PBX3: variants seen among roughly 807,000 people sequenced by gnomAD.
PBX3 encodes the protein pre-B-cell leukemia transcription factor 3.
PBX3 carries 14 observed loss-of-function variants against 48.5 expected under a neutral mutation model. The ratio of observed to expected loss-of-function variants is 0.29; its 90% CI spans 0.19 to 0.45. PBX3 has a LOEUF of 0.45. Among genes scored for constraint, PBX3 ranks in the 20% least tolerant of loss-of-function variants. PBX3 has a pLI of 1.00. For missense variants in PBX3, 386 were observed against 546.7 expected (o/e 0.71, Z 2.93); for synonymous variants, 210 against 200.3 (o/e 1.05, Z -0.41).
In PBX3 at chr9:125,806,277, T is replaced by TG. The variant is rs549563626; in HGVS notation, c.274+57656dup. ...TTAGAGGAACAGTGAAGAGACTAGG[T>TG]GGCTGGAGCAGAGGGAGGGAGGGAG... On this transcript the variant is annotated intron_variant, in intron 2 of 8. Transcript: ENST00000373489. 1.1e-3 allele frequency among the ~76,000 whole-genome samples: 165 copies of TG among 152,226 alleles called. 1 individual carries two copies. The highest frequency in any genetic ancestry group is 2.1e-3 in the Non-Finnish European group (142 of 68,004).
At position 125,966,012 on chromosome 9, in the gene PBX3, C is replaced by T; in HGVS notation, c.*89C>T. The T allele has an allele frequency of 2.4e-6, 2 of 846,038 alleles. No homozygotes were observed. Among genetic ancestry groups the T allele is most frequent in the Non-Finnish European group, 4.0e-6 (2 of 505,654 alleles). 52.4% of individuals were successfully genotyped at this position (846,038 alleles called of 1,614,324 possible). On this transcript the variant is annotated 3_prime_UTR_variant, in exon 9 of 9. Transcript: ENST00000373489. The stretch of plus-strand genomic sequence containing the variant: ...AAAGGAAAGCGTTTTTGTAGCCCAC[C>T]ATCTACAGCTTTACTGTAAAACCTT...
intron 2 of PBX3, among the ~76,000 whole-genome samples, chr9:125,829,817 C>T (rs955757883): frequency 7.2e-5 from 11 of 152,166 alleles, no homozygotes; most frequent in African/African-American, 1.4e-4. Flanking sequence ...GGTGCTGCTC[C>T]GTGGCAGTGG....
At chr9:125,815,311 C>T (rs928729435) in intron 2 of PBX3, among the ~76,000 whole-genome samples, 2 of 152,178 alleles carry the variant, frequency 1.3e-5, no homozygotes, top group Non-Finnish European at 2.9e-5. Flanking sequence ...GAGAAGACCA[C>T]ATTTCATCTT....
intron 2 of PBX3, among the ~76,000 whole-genome samples, chr9:125,839,812 G>A (rs1788438584): frequency 6.6e-6 from 1 of 152,288 alleles, no homozygotes; most frequent in Middle Eastern, 3.4e-3. Flanking sequence ...AACATTCCAA[G>A]ACTGTCTTTT....
intron 2 of PBX3, among the ~76,000 whole-genome samples, chr9:125,774,736 C>T (rs2132011453): frequency 6.6e-6 from 1 of 151,890 alleles, no homozygotes; most frequent in African/African-American, 2.4e-5. Flanking sequence ...ATTTGATTAC[C>T]TGTTTTCAAT....
intron 2 of PBX3, among the ~76,000 whole-genome samples, chr9:125,903,517 A>T (rs940267963): frequency 6.6e-6 from 1 of 151,824 alleles, no homozygotes; most frequent in African/African-American, 2.4e-5. Flanking sequence ...TCTAATTGTC[A>T]GTATTTTTGA....
intron 2 of PBX3, among the ~76,000 whole-genome samples, chr9:125,893,797 G>A (rs1319812556): frequency 2.6e-5 from 4 of 152,066 alleles, no homozygotes; most frequent in Non-Finnish European, 4.4e-5. Flanking sequence ...GAACATTCAC[G>A]CTTAGGAATC....
intron 2 of PBX3, among the ~76,000 whole-genome samples, chr9:125,899,425 G>T (rs1351686291): frequency 7.8e-6 from 1 of 128,064 alleles, no homozygotes; most frequent in Non-Finnish European, 1.6e-5. Flanking sequence ...ATATATGTAT[G>T]TCTATATATA....
intron 2 of PBX3, among the ~76,000 whole-genome samples, chr9:125,754,450 A>G (rs960846150): frequency 6.6e-6 from 1 of 152,090 alleles, no homozygotes. Context: ...AGAACTAGCT[A>G]TCTGATTTTT....
intron 2 of PBX3, among the ~76,000 whole-genome samples, chr9:125,826,009 A>G (rs574652061): frequency 6.6e-6 from 1 of 152,322 alleles, no homozygotes. Context: ...GCAGTTTTCA[A>G]CCAGTTAAAT....
intron 2 of PBX3, among the ~76,000 whole-genome samples, chr9:125,880,950 C>T (rs1338688974): frequency 6.6e-6 from 1 of 152,144 alleles, no homozygotes; most frequent in African/African-American, 2.4e-5. Context: ...TCTTGAACTG[C>T]ATTTAGGTGT....
rs1564681272 is a variant in PBX3, at chr9:125,835,051, A to AAAAAAAAAAAAAAAAT, written c.275-80635_275-80634insAAAAAAAAAAAAAAAT. Among the ~76,000 whole-genome samples the AAAAAAAAAAAAAAAAT allele has an allele frequency of 6.5e-5, 7 of 108,002 alleles. 3 individuals carry two copies. The highest frequency in any genetic ancestry group is 2.7e-4 in the African/African-American group (7 of 26,310). 70.9% of individuals were successfully genotyped at this position (108,002 alleles called of 152,430 possible). ...AAAAAAAAAAAAAAAAAAAAAAAAA[A>AAAAAAAAAAAAAAAAT]GGGCAAAAGATATGAAAAGACAAGT... On this transcript the variant is annotated intron_variant, in intron 2 of 8. Coordinates refer to ENST00000373489, the MANE Select transcript of PBX3 (RefSeq NM_006195.6).
intron 2 of PBX3, among the ~76,000 whole-genome samples, chr9:125,910,329 C>T (rs867670284): frequency 1.6e-4 from 24 of 152,074 alleles, no homozygotes; most frequent in African/African-American, 5.1e-4. Context: ...CTTAATGTCT[C>T]GCTCTGTTTT....
intron 2 of PBX3, among the ~76,000 whole-genome samples, chr9:125,843,377 T>G (rs1461105577): frequency 6.6e-6 from 1 of 152,156 alleles, no homozygotes; most frequent in Non-Finnish European, 1.5e-5. Context: ...TGTTAACTAA[T>G]TCTTATTTAT....
At chr9:125,780,645 ACCCCC>A (rs546120994) in intron 2 of PBX3, among the ~76,000 whole-genome samples, 1 of 68,034 alleles carries the variant, frequency 1.5e-5, no homozygotes, top group Non-Finnish European at 2.8e-5. Flanking sequence ...CGGGGGGCTG[ACCCCC>A]CCACCTCCCT....
chr9:125,784,422 C>T (rs1180208901), intron 2 of PBX3, among the ~76,000 whole-genome samples: 1 of 152,198 alleles, frequency 6.6e-6, no homozygotes, highest in Admixed American at 6.5e-5. Context: ...AGCCACCGCA[C>T]CCAGCCAGGT....
intron 3 of PBX3, among the ~76,000 whole-genome samples, chr9:125,922,091 T>C (rs566653560): frequency 6.6e-6 from 1 of 152,162 alleles, no homozygotes; most frequent in Non-Finnish European, 1.5e-5. Context: ...CACCACAAAA[T>C]AAAGAAAACA....
At chr9:125,909,057 G>A (rs1351164955) in intron 2 of PBX3, among the ~76,000 whole-genome samples, 2 of 151,960 alleles carry the variant, frequency 1.3e-5, no homozygotes, top group Non-Finnish European at 2.9e-5. Flanking sequence ...TATATATCAA[G>A]CGCTCCAACA....
intron 2 of PBX3, among the ~76,000 whole-genome samples, chr9:125,839,198 T>C (rs914126723): frequency 2.0e-5 from 3 of 152,178 alleles, no homozygotes; most frequent in Admixed American, 6.5e-5. Flanking sequence ...TAAATGAAAT[T>C]GTACATGAAA....
Sources: gnomAD v4.1 joint callset for allele counts (sites outside exome capture counted in the v4.1 genomes callset) on GRCh38, gnomAD v4.1.1 for gene constraint, MANE v1.5 for transcripts, NCBI Gene and HGNC (gene_info 2026-07-23, HGNC 2026-07-21) for gene names.